The following NEO1 variants were observed in gnomAD, a reference collection of about 807,000 sequenced individuals.
NEO1 encodes the protein neogenin.
Under a neutral mutation model 159.7 loss-of-function variants are expected in NEO1, and 63 were observed. The observed-to-expected ratio is 0.39, with a 90% CI of 0.32 to 0.49. NEO1 has a LOEUF of 0.49. Ranked by LOEUF, NEO1 falls within the 20% of genes least tolerant of loss-of-function variation. The pLI is 0.85. For synonymous variants in NEO1, 633 were observed against 662.0 expected (o/e 0.96, Z 0.67); for missense variants, 1,615 against 1,831.0 (o/e 0.88, Z 2.15).
chr15:73,180,545 C>T (rs1314712562), intron 7 of NEO1, among the ~76,000 whole-genome samples: 2 of 152,048 alleles, frequency 1.3e-5, no homozygotes, highest in Non-Finnish European at 2.9e-5. Context: ...TAGTAAACCT[C>T]GTAGCTATTT....
chr15:73,124,983 C>G (rs1407886415), intron 3 of NEO1, among the ~76,000 whole-genome samples: 1 of 152,164 alleles, frequency 6.6e-6, no homozygotes, highest in Non-Finnish European at 1.5e-5. Context: ...CAATATTATT[C>G]AGTCTGCTTG....
intron 7 of NEO1, among the ~76,000 whole-genome samples, chr15:73,199,377 T>TA (rs2036731689): frequency 6.6e-6 from 1 of 152,108 alleles, no homozygotes. Context: ...TACTTTTTTT[T>TA]ATCCTTTCCA....
At chr15:73,066,996 C>T (rs147474487) in intron 1 of NEO1, among the ~76,000 whole-genome samples, 213 of 152,292 alleles carry the variant, frequency 1.4e-3, no homozygotes, top group Non-Finnish European at 2.3e-3. Context: ...TTATTCTCAG[C>T]GGGAGAATTG....
intron 5 of NEO1, among the ~76,000 whole-genome samples, chr15:73,150,150 T>G (rs1468386324): frequency 6.6e-6 from 1 of 152,226 alleles, no homozygotes; most frequent in African/African-American, 2.4e-5. Context: ...TTGTGAACTT[T>G]GAAATCCTGA....
chr15:73,241,047 C>G (rs548144810), intron 8 of NEO1, among the ~76,000 whole-genome samples: 2 of 152,178 alleles, frequency 1.3e-5, no homozygotes, highest in African/African-American at 4.8e-5. Flanking sequence ...TCACCCACTT[C>G]CTGCATTTGA....
At chr15:73,238,170 G>T (rs1045648394) in intron 8 of NEO1, among the ~76,000 whole-genome samples, 1 of 151,812 alleles carries the variant, frequency 6.6e-6, no homozygotes, top group African/African-American at 2.4e-5. Flanking sequence ...CTGCAAACCA[G>T]AGCCAATTGT....
chr15:73,151,806 A>C (rs907171445), intron 5 of NEO1, among the ~76,000 whole-genome samples: 2 of 152,252 alleles, frequency 1.3e-5, no homozygotes, highest in Admixed American at 1.3e-4. Flanking sequence ...GCCAAACCAT[A>C]TCAGCTTCTA....
At chr15:73,168,421 A>T (rs1475035115) in intron 5 of NEO1, among the ~76,000 whole-genome samples, 1 of 149,900 alleles carries the variant, frequency 6.7e-6, no homozygotes, top group African/African-American at 2.5e-5. Flanking sequence ...TTGGTCTCGA[A>T]CTCCTGACCT....
intron 1 of NEO1, among the ~76,000 whole-genome samples, chr15:73,057,486 C>G (rs1166028206): frequency 6.6e-6 from 1 of 152,110 alleles, no homozygotes; most frequent in African/African-American, 2.4e-5. Context: ...GGAGAACAGT[C>G]AGAGGAAATG....
At chr15:73,273,525 C>T (rs1382818281) in intron 19 of NEO1, among the ~76,000 whole-genome samples, 1 of 152,156 alleles carries the variant, frequency 6.6e-6, no homozygotes, top group East Asian at 1.9e-4. Context: ...TGATGCTTCC[C>T]TTCTCAATGT....
chr15:73,090,089 A>C (rs115071054), intron 1 of NEO1, among the ~76,000 whole-genome samples: 345 of 152,362 alleles, frequency 2.3e-3, no homozygotes, highest in African/African-American at 7.7e-3. Flanking sequence ...AGCTGTTCAA[A>C]ATAATGAGAT....
chr15:73,081,190 C>G (rs191504059), intron 1 of NEO1, among the ~76,000 whole-genome samples: 1 of 152,154 alleles, frequency 6.6e-6, no homozygotes, highest in East Asian at 1.9e-4. Context: ...TTCTCATTGT[C>G]TCACCTGTAT....
chr15:73,284,522 A>C (rs2041864213), intron 23 of NEO1, among the ~76,000 whole-genome samples: 1 of 151,630 alleles, frequency 6.6e-6, no homozygotes, highest in East Asian at 1.9e-4. Context: ...TCACTTTTCC[A>C]AGAAAAATGG....
chr15:73,287,316 T>G (rs1284099951), intron 23 of NEO1, among the ~76,000 whole-genome samples: 1 of 152,246 alleles, frequency 6.6e-6, no homozygotes, highest in African/African-American at 2.4e-5. Flanking sequence ...CTGTTCAGCT[T>G]AAGTCCAACT....
chr15:73,302,174 C>T (rs1217461574), intron 28 of NEO1, among the ~76,000 whole-genome samples: 1 of 152,198 alleles, frequency 6.6e-6, no homozygotes, highest in Non-Finnish European at 1.5e-5. Flanking sequence ...AGTGGTTGTT[C>T]TCGAAACAAA....
intron 5 of NEO1, among the ~76,000 whole-genome samples, chr15:73,159,701 G>C (rs2034034541): frequency 6.6e-6 from 1 of 152,036 alleles, no homozygotes; most frequent in Non-Finnish European, 1.5e-5. Context: ...ACTATTTGGT[G>C]GTTCCTAATC....
chr15:73,135,984 T>A lies in NEO1; in HGVS notation c.972T>A (p.Asn324Lys). The change falls in exon 5 of 29, where the codon AAT becomes AAA. Residue 324 changes from asparagine (N) to lysine (K), a missense_variant. Transcript: ENST00000261908. ...GGACTTATTTTTGTATAGCTGATAA[T>A]GGAAATGAGACAATTGAAGCTCAAG... ...DAGTYFCIAD[N>K]GNETIEAQAE... 6.2e-7 allele frequency: 1 copy of A among 1,611,624 alleles called. No individual in the cohort carries two copies. Among genetic ancestry groups the A allele is most frequent in the Non-Finnish European group, 8.5e-7 (1 of 1,179,252 alleles).
At chr15:73,122,399 T>G (rs959246595) in intron 2 of NEO1, 126 bp from the exon 3 acceptor site, 1 of 838,210 alleles carries the variant, frequency 1.2e-6, no homozygotes, top group East Asian at 2.7e-5. Flanking sequence ...TTCCATGGAC[T>G]TTCTTCTCAA....
chr15:73,244,980 AAAAC>A (rs2039704557), intron 9 of NEO1, among the ~76,000 whole-genome samples: 4 of 148,386 alleles, frequency 2.7e-5, no homozygotes, highest in African/African-American at 7.4e-5. Context: ...AAAAAAAAAA[AAAAC>A]AACAGCAAAT....
Sources: allele counts gnomAD v4.1 joint callset (sites outside exome capture counted in the v4.1 genomes callset), GRCh38; gene constraint gnomAD v4.1.1; transcripts MANE v1.5; gene names NCBI Gene and HGNC (gene_info 2026-07-23, HGNC 2026-07-21).